Variants in PDCD1LG2 observed in about 807,000 individuals in gnomAD.
PDCD1LG2 encodes the protein programmed cell death 1 ligand 2, also known as B7 dendritic cell molecule.
A neutral mutation model predicts 28.2 loss-of-function variants in PDCD1LG2; 32 were observed. The observed-to-expected ratio is 1.13, with a 90% confidence interval of 0.86 to 1.52. PDCD1LG2 has a LOEUF of 1.52. Among genes scored for constraint, PDCD1LG2 ranks in the 40% most tolerant of loss-of-function variants. The probability of loss-of-function intolerance (pLI) is 0.00; values close to 1 mark genes in which losing one functional copy is unlikely to be tolerated. For missense variants in PDCD1LG2, 385 were observed against 323.8 expected, an observed-to-expected ratio of 1.19 and a Z score of -1.45; for synonymous variants, 116 against 120.2, an observed-to-expected ratio of 0.97 and a Z score of 0.23.
At chr9:5,556,663 G>C (rs1816448414) in intron 4 of PDCD1LG2, among the ~76,000 whole-genome samples, 1 of 152,182 alleles carries the variant, frequency 6.6e-6, no homozygotes, top group African/African-American at 2.4e-5. Flanking sequence ...AAGTTGGGAG[G>C]ACTGAGCCCT....
chr9:5,565,461 G>A (rs187670249), intron 6 of PDCD1LG2, among the ~76,000 whole-genome samples: 1 of 152,340 alleles, frequency 6.6e-6, no homozygotes, highest in African/African-American at 2.4e-5. Context: ...TGGGATTCCA[G>A]GCGTAAGCCA....
At chr9:5,527,914 C>T (rs1182364476) in intron 2 of PDCD1LG2, among the ~76,000 whole-genome samples, 5 of 152,096 alleles carry the variant, frequency 3.3e-5, no homozygotes, top group African/African-American at 7.2e-5. Context: ...CTGCAACCTC[C>T]GCCTCCCGGG....
At chr9:5,512,428 A>T (rs1239729966) in intron 1 of PDCD1LG2, among the ~76,000 whole-genome samples, 2 of 152,056 alleles carry the variant, frequency 1.3e-5, no homozygotes, top group Non-Finnish European at 2.9e-5. Flanking sequence ...CCCTATGATG[A>T]ACTGCCCCTG....
chr9:5,568,640 T>A (rs1396393861), intron 6 of PDCD1LG2, among the ~76,000 whole-genome samples: 1 of 152,210 alleles, frequency 6.6e-6, no homozygotes, highest in Non-Finnish European at 1.5e-5. Flanking sequence ...ATTATCCCTA[T>A]GTCCTGAAGC....
intron 6 of PDCD1LG2, among the ~76,000 whole-genome samples, chr9:5,565,862 A>AC (rs1816656149): frequency 6.6e-6 from 1 of 151,766 alleles, no homozygotes; most frequent in Non-Finnish European, 1.5e-5. Flanking sequence ...AGAATAACGT[A>AC]CAACAATAAC....
intron 4 of PDCD1LG2, 32 bp downstream of exon 4, chr9:5,549,636 A>G (rs1373551361): frequency 1.9e-6 from 3 of 1,611,462 alleles, no homozygotes; most frequent in Non-Finnish European, 2.5e-6. Flanking sequence ...TAGGTCTATC[A>G]GTTAGGGTTC....
At chr9:5,523,810 T>C (rs543248005) in intron 2 of PDCD1LG2, among the ~76,000 whole-genome samples, 2 of 152,166 alleles carry the variant, frequency 1.3e-5, no homozygotes, top group Non-Finnish European at 2.9e-5. Flanking sequence ...AGGAGAAAAC[T>C]TGGGGAATGT....
intron 3 of PDCD1LG2, among the ~76,000 whole-genome samples, chr9:5,537,935 A>G (rs1820613494): frequency 6.6e-6 from 1 of 152,246 alleles, no homozygotes; most frequent in Non-Finnish European, 1.5e-5. Context: ...TCATAGTCAC[A>G]AGAGAAAAGT....
intron 3 of PDCD1LG2, among the ~76,000 whole-genome samples, chr9:5,539,056 T>C (rs1167736553): frequency 2.0e-5 from 3 of 152,204 alleles, no homozygotes; most frequent in Non-Finnish European, 2.9e-5. Flanking sequence ...AAGGATAATG[T>C]TGTATATAAA....
chr9:5,541,684 T>A (rs993154348), intron 3 of PDCD1LG2, among the ~76,000 whole-genome samples: 1 of 151,986 alleles, frequency 6.6e-6, no homozygotes, highest in African/African-American at 2.4e-5. Context: ...CACAAACAAA[T>A]GGAAACACAT....
At chr9:5,517,459 G>A (rs965948491) in intron 1 of PDCD1LG2, among the ~76,000 whole-genome samples, 1 of 152,244 alleles carries the variant, frequency 6.6e-6, no homozygotes, top group Non-Finnish European at 1.5e-5. Context: ...TACTCTCGGG[G>A]AGAAGGATGG....
intron 6 of PDCD1LG2, 109 bp downstream of exon 6, chr9:5,563,320 C>A: frequency 1.1e-6 from 1 of 919,054 alleles, no homozygotes. Flanking sequence ...TGAATAGTTC[C>A]AGCTTATAGA....
chr9:5,526,654 C>A (rs1820385801), intron 2 of PDCD1LG2, among the ~76,000 whole-genome samples: 1 of 151,950 alleles, frequency 6.6e-6, no homozygotes, highest in Non-Finnish European at 1.5e-5. Context: ...CACAGGCTGG[C>A]CTCAAACGCC....
intron 1 of PDCD1LG2, among the ~76,000 whole-genome samples, chr9:5,518,260 C>T (rs12001295): frequency 0.12 from 18,242 of 152,198 alleles, 1,734 homozygotes; most frequent in African/African-American, 0.26. Context: ...ATATTTTCCC[C>T]AGAGGAGGAT....
chr9:5,532,434 T>C (rs568344820), intron 2 of PDCD1LG2, among the ~76,000 whole-genome samples: 2 of 152,196 alleles, frequency 1.3e-5, no homozygotes, highest in Non-Finnish European at 2.9e-5. Flanking sequence ...CACAGGCAAG[T>C]TGCAGTTTGA....
chr9:5,553,401 G>A (rs539101717), intron 4 of PDCD1LG2, among the ~76,000 whole-genome samples: 7 of 152,200 alleles, frequency 4.6e-5, no homozygotes, highest in Non-Finnish European at 7.4e-5. Flanking sequence ...TTCAACTGTC[G>A]TTCGTTATAT....
chr9:5,515,147 G>C (rs1563818916), intron 1 of PDCD1LG2, among the ~76,000 whole-genome samples: 1 of 152,152 alleles, frequency 6.6e-6, no homozygotes, highest in African/African-American at 2.4e-5. Context: ...CCTGTGGTTT[G>C]GTCAAGAGAC....
chr9:5,523,535 C>T (rs1413414454), intron 2 of PDCD1LG2, among the ~76,000 whole-genome samples: 1 of 152,224 alleles, frequency 6.6e-6, no homozygotes, highest in African/African-American at 2.4e-5. Flanking sequence ...CCTGGTCTGG[C>T]ACTAGAGACA....
At chr9:5,537,142 T>G (rs897698518) in intron 3 of PDCD1LG2, among the ~76,000 whole-genome samples, 11 of 152,212 alleles carry the variant, frequency 7.2e-5, no homozygotes, top group South Asian at 4.1e-4. Flanking sequence ...AAATGAGTAA[T>G]TTTTGCCATG....
Sources: gnomAD v4.1 joint callset for allele counts (sites outside exome capture counted in the v4.1 genomes callset) on GRCh38, gnomAD v4.1.1 for gene constraint, MANE v1.5 for transcripts, NCBI Gene and HGNC (gene_info 2026-07-23, HGNC 2026-07-21) for gene names.